Variants in TRIM2 observed in about 807,000 individuals in gnomAD.
TRIM2 encodes tripartite motif-containing protein 2.
A neutral mutation model predicts 75.2 loss-of-function variants in TRIM2; 20 were observed. The observed-to-expected ratio is 0.27, with a 90% CI of 0.19 to 0.39. TRIM2 has a LOEUF of 0.39. TRIM2 is among the 10% of genes least tolerant of loss of function. The pLI is 1.00. For synonymous variants in TRIM2, 373 were observed against 388.3 expected (o/e 0.96, Z 0.46); for missense variants, 660 against 990.8 (o/e 0.67, Z 4.48).
intron 1 of TRIM2, among the ~76,000 whole-genome samples, chr4:153,236,497 T>A (rs934261009): frequency 3.3e-5 from 5 of 152,308 alleles, no homozygotes; most frequent in African/African-American, 1.2e-4. Flanking sequence ...TTTAGTGATC[T>A]ACTTTTTTTA....
intron 11 of TRIM2, among the ~76,000 whole-genome samples, chr4:153,330,580 T>G (rs914178888): frequency 6.6e-6 from 1 of 152,046 alleles, no homozygotes; most frequent in Non-Finnish European, 1.5e-5. Context: ...AGAAAATCAG[T>G]CAATGTAATA....
chr4:153,324,265 G>A (rs1347516239), intron 10 of TRIM2, 117 bp downstream of exon 10: 1 of 790,054 alleles, frequency 1.3e-6, no homozygotes. Context: ...CAGCAGAGTA[G>A]ACTTTGTTCT....
chr4:153,328,435 A>G, intron 10 of TRIM2, 95 bp from the exon 11 acceptor site: 1 of 1,155,550 alleles, frequency 8.7e-7, no homozygotes, highest in South Asian at 1.7e-5. Flanking sequence ...AAGTCTTGTT[A>G]TAAATAACCT....
At chr4:153,307,933 T>C (rs1374747125) in intron 6 of TRIM2, 6 of 754,794 alleles carry the variant, frequency 7.9e-6, no homozygotes, top group Admixed American at 7.0e-5. Flanking sequence ...ATGCCCATTA[T>C]GGAGTCGTAC....
intron 1 of TRIM2, among the ~76,000 whole-genome samples, chr4:153,239,489 G>T (rs72965052): frequency 0.053 from 8,103 of 151,856 alleles, 553 homozygotes; most frequent in African/African-American, 0.16. Context: ...AAGAGAGAAA[G>T]TTATCCTCTA....
chr4:153,257,895 A>G, intron 1 of TRIM2: 1 of 285,566 alleles, frequency 3.5e-6, no homozygotes, highest in South Asian at 3.5e-5. Flanking sequence ...TGTAAAATGC[A>G]GACCCATTCT....
chr4:153,168,682 G>GA (rs34522428), intron 1 of TRIM2, among the ~76,000 whole-genome samples: 18,718 of 129,204 alleles, frequency 0.14, 1,487 homozygotes, highest in Non-Finnish European at 0.21. Flanking sequence ...AAGTTTTTCT[G>GA]AAAAAAAAAA....
chr4:153,336,454 G>A lies in TRIM2; in HGVS notation c.*1488G>A. The A allele has an allele frequency of 1.0e-6, 1 of 985,462 alleles. No individual in the cohort carries two copies. The highest frequency in any genetic ancestry group is 1.2e-6 in the Non-Finnish European group (1 of 829,852). 61.0% of individuals were successfully genotyped at this position (985,462 alleles called of 1,614,324 possible). On this transcript the variant is annotated 3_prime_UTR_variant, in exon 12 of 12. Coordinates refer to ENST00000338700, the MANE Select transcript of TRIM2 (RefSeq NM_015271.5). ...TAATTTAAATATAAATGCATTTTGA[G>A]AAATGTTAAGAACAATTTAGTCAAT... is the stretch of plus-strand genomic sequence containing the variant.
intron 1 of TRIM2, chr4:153,222,243 G>A (rs1167557015): frequency 2.6e-5 from 4 of 151,964 alleles, no homozygotes; most frequent in African/African-American, 9.7e-5. Context: ...TCACATTCAG[G>A]AGCTGTGCTT....
chr4:153,285,757 G>GCA (rs60339189), intron 3 of TRIM2, among the ~76,000 whole-genome samples: 11 of 111,674 alleles, frequency 9.9e-5, no homozygotes, highest in Non-Finnish European at 2.0e-4. Context: ...GTGAATGTGT[G>GCA]TGCGTGTGTG....
At chr4:153,158,622 CAGATAAA>C (rs1729453518) in intron 1 of TRIM2, among the ~76,000 whole-genome samples, 1 of 151,896 alleles carries the variant, frequency 6.6e-6, no homozygotes. Flanking sequence ...TAAAAAAAAA[CAGATAAA>C]AAATAAAACA....
intron 4 of TRIM2, among the ~76,000 whole-genome samples, chr4:153,293,572 T>G (rs1013737239): frequency 2.6e-5 from 4 of 152,210 alleles, no homozygotes; most frequent in African/African-American, 9.7e-5. Context: ...CTAATTTTCC[T>G]TGTTTTCCTG....
chr4:153,280,691 CT>C lies in TRIM2; in HGVS notation c.453+4572del, dbSNP rs11370926. 6.9e-3 allele frequency among the ~76,000 whole-genome samples: 1,016 copies of C among 148,170 alleles called. 12 individuals carry two copies. Among genetic ancestry groups the C allele is most frequent in the African/African-American group, 0.023 (938 of 40,590 alleles). On this transcript the variant is annotated intron_variant, in intron 3 of 11. Coordinates refer to ENST00000338700, the MANE Select transcript of TRIM2 (RefSeq NM_015271.5). ...ACTATGTCCAGCCCACCAGCAAATT[CT>C]TTTTTTTTTTGAGACGGAGTCTCGC...
chr4:153,239,161 G>A (rs1012695903), intron 1 of TRIM2, among the ~76,000 whole-genome samples: 1 of 152,090 alleles, frequency 6.6e-6, no homozygotes, highest in Non-Finnish European at 1.5e-5. Context: ...GACCATCCTG[G>A]CTAACACAGC....
rs1167093363 is a variant in TRIM2, at chr4:153,295,880, G to C, written c.1354G>C (p.Ala452Pro). The part of the protein sequence containing the change: ...SPFKLKVIRS[A>P]DVSPTTEGVK... ...GTTTAAGCTGAAAGTGATCCGATCC[G>C]CTGATGTGTCTCCCACCACAGAAGG... is the stretch of plus-strand genomic sequence containing the variant. The change falls in exon 6 of 12, where the codon GCT (alanine) becomes CCT (proline). Residue 452 changes from alanine to proline, a missense_variant. Around this residue, in one of 2 missense-constraint regions of TRIM2, gnomAD observed 620 missense variants for 891.0 expected, o/e 0.70. Transcript: ENST00000338700. The surrounding 1 kb of genome is among the most constrained non-coding windows in gnomAD (Gnocchi z 7.2). 5.0e-6 allele frequency: 8 copies of C among 1,613,644 alleles called. No individual in the cohort carries two copies. The highest frequency in any genetic ancestry group is 1.7e-5 in the Admixed American group (1 of 59,958).
At chr4:153,212,326 A>T (rs1737263089) in intron 1 of TRIM2, among the ~76,000 whole-genome samples, 1 of 152,218 alleles carries the variant, frequency 6.6e-6, no homozygotes. Context: ...TATAAGTGGG[A>T]GGTACACAGT....
chr4:153,184,657 C>T (rs1732411481), intron 1 of TRIM2, among the ~76,000 whole-genome samples: 1 of 152,168 alleles, frequency 6.6e-6, no homozygotes, highest in African/African-American at 2.4e-5. Flanking sequence ...TGGTTGAATT[C>T]AGTTTTGCTC....
chr4:153,214,342 G>T (rs182076873), intron 1 of TRIM2, among the ~76,000 whole-genome samples: 66 of 152,304 alleles, frequency 4.3e-4, no homozygotes, highest in Non-Finnish European at 1.5e-5. Flanking sequence ...CCTGCATAGT[G>T]TTGAGGAGAG....
intron 6 of TRIM2, 102 bp from the exon 7 acceptor site, chr4:153,315,383 T>A: frequency 4.5e-6 from 4 of 896,188 alleles, no homozygotes; most frequent in Admixed American, 2.8e-5. Context: ...TTAAAAACAA[T>A]GCATTCTCAG....
Sources: gnomAD v4.1 joint callset for allele counts (sites outside exome capture counted in the v4.1 genomes callset) on GRCh38, gnomAD v4.1.1 for gene constraint, gnomAD v4.1.1 regional missense constraint, Gnocchi (gnomAD v3.1) non-coding constraint, MANE v1.5 for transcripts, NCBI Gene and HGNC (gene_info 2026-07-23, HGNC 2026-07-21) for gene names.